The following FAAH2 variants were observed in gnomAD, a reference collection of about 807,000 sequenced individuals.
FAAH2 encodes the protein fatty acid amide hydrolase 2.
In FAAH2, 60 loss-of-function variants were observed where a neutral mutation model predicts 36.9. The ratio of observed to expected loss-of-function variants is 1.63; its 90% CI spans 1.32 to 2.02. The LOEUF is 2.02. FAAH2 is among the 30% of genes most tolerant of loss of function. FAAH2 has a pLI of 0.00. For missense variants in FAAH2, 689 were observed against 397.5 expected (o/e 1.73, Z -6.23); for synonymous variants, 214 against 143.8 (o/e 1.49, Z -3.49).
chrX:57,162,778 G>A, the FAAH2 span, among the ~76,000 whole-genome samples: 5 of 111,812 alleles, frequency 4.5e-5, no homozygotes, highest in East Asian at 1.4e-3. Flanking sequence ...TTTTTTCAAA[G>A]TTTTCAACTA....
At chrX:57,244,542 ATC>A in the FAAH2 span, among the ~76,000 whole-genome samples, 1 of 112,002 alleles carries the variant, frequency 8.9e-6, no homozygotes, top group Admixed American at 9.4e-5. Context: ...CTAACAGCAG[ATC>A]TCTGTTAGTC....
At chrX:57,213,121 C>T in the FAAH2 span, among the ~76,000 whole-genome samples, 1 of 111,473 alleles carries the variant, frequency 9.0e-6, no homozygotes, top group African/African-American at 3.3e-5. Context: ...TAAGCATATA[C>T]TGGTTCATAA....
intron 10 of FAAH2, among the ~76,000 whole-genome samples, chrX:57,469,332 G>A (rs192845646): frequency 9.0e-6 from 1 of 111,523 alleles, no homozygotes; most frequent in South Asian, 3.8e-4. Context: ...AGACCCATCA[G>A]TGTGCTGTAT....
At chrX:57,162,710 A>G in the FAAH2 span, among the ~76,000 whole-genome samples, 8 of 112,066 alleles carry the variant, frequency 7.1e-5, no homozygotes, top group African/African-American at 2.6e-4. Flanking sequence ...TTTCAGCTCC[A>G]TCAGCTCCTT....
intron 7 of FAAH2, chrX:57,393,773 G>C (rs1011126050): frequency 2.2e-6 from 2 of 920,464 alleles, no homozygotes; most frequent in Non-Finnish European, 3.2e-6. Context: ...AAAGTGGACC[G>C]TCTGTGTGTG....
At chrX:57,294,691 C>G (rs1016161615) in intron 2 of FAAH2, among the ~76,000 whole-genome samples, 17 of 111,645 alleles carry the variant, frequency 1.5e-4, no homozygotes, top group African/African-American at 5.6e-4. Context: ...TTACTTTTGC[C>G]TGGAACACTT....
At chrX:57,435,686 G>A (rs2056396228) in intron 8 of FAAH2, among the ~76,000 whole-genome samples, 1 of 110,964 alleles carries the variant, frequency 9.0e-6, no homozygotes, top group Non-Finnish European at 1.9e-5. Context: ...GGAGCAACCA[G>A]ATTCATAAAA....
chrX:57,332,505 A>G (rs773141257), intron 4 of FAAH2, among the ~76,000 whole-genome samples: 1 of 112,431 alleles, frequency 8.9e-6, no homozygotes, highest in East Asian at 2.8e-4. Context: ...GAATGAAAAG[A>G]CAGGCAGATA....
At chrX:57,212,539 T>A in the FAAH2 span, among the ~76,000 whole-genome samples, 2 of 112,127 alleles carry the variant, frequency 1.8e-5, no homozygotes, top group African/African-American at 6.5e-5. Context: ...AAACAAAACT[T>A]CTGAAAATAA....
chrX:57,184,780 C>A, the FAAH2 span, among the ~76,000 whole-genome samples: 7 of 111,957 alleles, frequency 6.3e-5, no homozygotes, highest in Non-Finnish European at 1.3e-4. Flanking sequence ...GAAAAAATAA[C>A]CCCAATTCCA....
chrX:57,343,665 A>T (rs773537838), intron 5 of FAAH2, among the ~76,000 whole-genome samples: 1 of 111,395 alleles, frequency 9.0e-6, no homozygotes, highest in South Asian at 3.7e-4. Flanking sequence ...TTGCTTTTGG[A>T]GACTTAGCCA....
the FAAH2 span, among the ~76,000 whole-genome samples, chrX:57,252,826 T>C: frequency 8.9e-6 from 1 of 112,466 alleles, no homozygotes; most frequent in Non-Finnish European, 1.9e-5. Context: ...GCAGAAAGGC[T>C]GAAAATTCTA....
At chrX:57,221,959 C>A in the FAAH2 span, among the ~76,000 whole-genome samples, 2 of 110,396 alleles carry the variant, frequency 1.8e-5, no homozygotes, top group East Asian at 5.7e-4. Flanking sequence ...TCCTGTGTAG[C>A]CCCTCTCAAA....
chrX:57,349,346 TAC>T (rs2053930690), intron 5 of FAAH2, among the ~76,000 whole-genome samples: 1 of 97,851 alleles, frequency 1.0e-5, no homozygotes, highest in Non-Finnish European at 2.0e-5. Context: ...TAATGTTTTA[TAC>T]ACATATATAT....
the FAAH2 span, among the ~76,000 whole-genome samples, chrX:57,221,725 G>A: frequency 1.8e-5 from 2 of 110,179 alleles, no homozygotes; most frequent in African/African-American, 6.7e-5. Context: ...AAACCTAAAG[G>A]ATGCTTTTTT....
At chrX:57,204,984 A>G in the FAAH2 span, among the ~76,000 whole-genome samples, 3 of 112,503 alleles carry the variant, frequency 2.7e-5, no homozygotes, top group Non-Finnish European at 5.6e-5. Flanking sequence ...CTGGAACGCC[A>G]TCACCACAAA....
At chrX:57,472,117 T>C (rs770251694) in intron 10 of FAAH2, among the ~76,000 whole-genome samples, 36 of 112,083 alleles carry the variant, frequency 3.2e-4, no homozygotes, top group Admixed American at 8.6e-4. Flanking sequence ...GACTTAAATG[T>C]TAGACCTAAA....
At chrX:57,481,491 C>A (rs1447683279) in intron 10 of FAAH2, among the ~76,000 whole-genome samples, 1 of 111,831 alleles carries the variant, frequency 8.9e-6, no homozygotes, top group Non-Finnish European at 1.9e-5. Flanking sequence ...TTCTAACAGT[C>A]AGGCCTCTCT....
the FAAH2 span, among the ~76,000 whole-genome samples, chrX:57,182,351 G>A: frequency 1.8e-5 from 2 of 111,665 alleles, no homozygotes; most frequent in Non-Finnish European, 3.8e-5. Context: ...CTAATATCCA[G>A]CATCTGTAAG....
Sources: allele counts gnomAD v4.1 joint callset (sites outside exome capture counted in the v4.1 genomes callset), GRCh38; gene constraint gnomAD v4.1.1; transcripts MANE v1.5; gene names NCBI Gene and HGNC (gene_info 2026-07-23, HGNC 2026-07-21).